Variants in PDS5B observed in about 807,000 individuals in gnomAD.
The protein encoded by PDS5B is sister chromatid cohesion protein PDS5 homolog B.
A neutral mutation model predicts 184.1 loss-of-function variants in PDS5B; 51 were observed. The ratio of observed to expected loss-of-function variants is 0.28; its 90% CI spans 0.22 to 0.35. The LOEUF (loss-of-function observed/expected upper bound fraction) is 0.35, where lower values mean the gene tolerates loss of function less well. Among genes scored for constraint, PDS5B ranks in the 10% least tolerant of loss-of-function variants. PDS5B has a pLI of 1.00. For missense variants in PDS5B, 1,180 were observed against 1,723.3 expected, an observed-to-expected ratio of 0.68 and a Z score of 5.58; for synonymous variants, 566 against 569.2, an observed-to-expected ratio of 0.99 and a Z score of 0.08.
Position 32,618,672 on chromosome 13 carries a change from T to A in PDS5B, c.-19-30082T>A, listed in dbSNP as rs1051603353. On this transcript the variant is annotated intron_variant, in intron 1 of 34. Transcript: ENST00000315596. ...TCTTGTGAAAAACAGATAGTCTTAATGTAGTAAGATCTTTTATGGTTTATA... is the reference window on the plus strand; with the variant it reads ...TCTTGTGAAAAACAGATAGTCTTAAAGTAGTAAGATCTTTTATGGTTTATA... 3.9e-5 allele frequency among the ~76,000 whole-genome samples: 6 copies of A among 152,218 alleles called. No homozygotes were observed. In the East Asian group the frequency reaches 1.2e-3, roughly 29 times the overall value.
chr13:32,764,051 T>C (rs779324437), intron 30 of PDS5B, among the ~76,000 whole-genome samples: 22 of 74,916 alleles, frequency 2.9e-4, no homozygotes, highest in Non-Finnish European at 4.6e-4. Context: ...AGATTCATGC[T>C]TATATTCTAA....
At chr13:32,679,911 G>GTGTGTC (rs1555301555) in intron 10 of PDS5B, among the ~76,000 whole-genome samples, 19 of 150,500 alleles carry the variant, frequency 1.3e-4, no homozygotes, top group African/African-American at 4.7e-4. Context: ...GTGTGTGTGT[G>GTGTGTC]TGTGTCTGTT....
At chr13:32,735,695 A>G (rs1049907292) in intron 21 of PDS5B, among the ~76,000 whole-genome samples, 1 of 152,150 alleles carries the variant, frequency 6.6e-6, no homozygotes, top group African/African-American at 2.4e-5. Context: ...ACCTTTTTCT[A>G]TATAAACTTG....
chr13:32,668,494 G>C (rs1277321188), intron 7 of PDS5B, among the ~76,000 whole-genome samples: 1 of 152,126 alleles, frequency 6.6e-6, no homozygotes, highest in East Asian at 1.9e-4. Context: ...TTTATGGTAA[G>C]TTTTATTTTC....
chr13:32,612,089 A>T (rs2140511703), intron 1 of PDS5B, among the ~76,000 whole-genome samples: 1 of 151,124 alleles, frequency 6.6e-6, no homozygotes, highest in Non-Finnish European at 1.5e-5. Flanking sequence ...CCCTCAGGAG[A>T]CTGTGCATCT....
chr13:32,589,877 T>TA (rs553866081), intron 1 of PDS5B, among the ~76,000 whole-genome samples: 78 of 150,864 alleles, frequency 5.2e-4, no homozygotes, highest in Non-Finnish European at 8.0e-4. Context: ...ACTGTTCTGT[T>TA]ACAACCACTT....
intron 19 of PDS5B, among the ~76,000 whole-genome samples, chr13:32,725,972 T>TA (rs1383023116): frequency 6.6e-6 from 1 of 152,188 alleles, no homozygotes; most frequent in Non-Finnish European, 1.5e-5. Flanking sequence ...CATGGATACA[T>TA]ACCCTTGTTC....
rs1272547949 is a variant in PDS5B, at chr13:32,675,837, A to G, written c.847-7A>G. The G allele has an allele frequency of 2.6e-6, 4 of 1,551,004 alleles. No homozygotes were observed. Among genetic ancestry groups the G allele is most frequent in the Middle Eastern group, 1.8e-4 (1 of 5,622 alleles). On this transcript the variant is annotated splice_polypyrimidine_tract_variant and splice_region_variant and intron_variant, in intron 8 of 34. Transcript: ENST00000315596. Reference sequence around the variant, plus strand: ...GGTTTTAAAGCTGTGATTGTGTTTTATTTTAGAGCAATGATAATGAGGAGC... The same window carrying G: ...GGTTTTAAAGCTGTGATTGTGTTTTGTTTTAGAGCAATGATAATGAGGAGC...
chr13:32,768,569 G>T (rs1372998435), intron 31 of PDS5B, among the ~76,000 whole-genome samples: 1 of 151,830 alleles, frequency 6.6e-6, no homozygotes, highest in Admixed American at 6.6e-5. Context: ...GAGGCAGGCG[G>T]ATCACCTGAG....
intron 11 of PDS5B, among the ~76,000 whole-genome samples, chr13:32,686,757 C>T (rs1951404426): frequency 6.6e-6 from 1 of 152,184 alleles, no homozygotes. Context: ...TTCACTCCAA[C>T]TTGGGCAACA....
intron 3 of PDS5B, chr13:32,652,534 T>G (rs553834186): frequency 6.6e-6 from 1 of 150,494 alleles, no homozygotes; most frequent in East Asian, 2.0e-4. Context: ...GTTCATGAGT[T>G]TGAGGACAGC....
At chr13:32,748,373 T>C (rs1953838539) in intron 24 of PDS5B, among the ~76,000 whole-genome samples, 1 of 152,190 alleles carries the variant, frequency 6.6e-6, no homozygotes, top group Admixed American at 6.5e-5. Flanking sequence ...TTGACACAAC[T>C]CATTGCTTCT....
chr13:32,733,572 C>T (rs506645), intron 20 of PDS5B, among the ~76,000 whole-genome samples: 114,791 of 152,004 alleles, frequency 0.76, 44,551 homozygotes, highest in African/African-American at 0.94. Context: ...TGAAGCCTCA[C>T]ATTGCCCTAA....
At chr13:32,629,128 A>G (rs983742020) in intron 1 of PDS5B, among the ~76,000 whole-genome samples, 3 of 152,252 alleles carry the variant, frequency 2.0e-5, no homozygotes, top group African/African-American at 7.2e-5. Context: ...TGGAATACCC[A>G]TCACTCAATT....
At chr13:32,729,459 C>A (rs1953025497) in intron 19 of PDS5B, among the ~76,000 whole-genome samples, 1 of 152,082 alleles carries the variant, frequency 6.6e-6, no homozygotes, top group South Asian at 2.1e-4. Flanking sequence ...TGGGTATATA[C>A]CTAGTAATGG....
intron 10 of PDS5B, 74 bp downstream of exon 10, chr13:32,679,003 A>G (rs1951154682): frequency 1.3e-6 from 1 of 743,254 alleles, no homozygotes; most frequent in Non-Finnish European, 2.3e-6. Context: ...TAGGGGGAAA[A>G]AAAACCCCTT....
At chr13:32,743,631 TCTTGTATGTTTTGCTTATACTGTATTCTC>T (rs1319812300) in intron 23 of PDS5B, among the ~76,000 whole-genome samples, 1 of 152,100 alleles carries the variant, frequency 6.6e-6, no homozygotes, top group Non-Finnish European at 1.5e-5. Flanking sequence ...TGCCTTTCCA[TCTTGTATGTTTTGCTTATACTGTATTCTC>T]CTTGTATGTT....
chr13:32,665,919 T>C (rs76065723), intron 6 of PDS5B, among the ~76,000 whole-genome samples: 185 of 152,154 alleles, frequency 1.2e-3, no homozygotes, highest in Non-Finnish European at 2.2e-3. Context: ...GGAAGACAAA[T>C]ATGTTTTCAC....
chr13:32,690,793 CAAAAG>C (rs1209498009), intron 13 of PDS5B: 1 of 151,974 alleles, frequency 6.6e-6, no homozygotes, highest in Non-Finnish European at 1.5e-5. Context: ...GACCAGTACT[CAAAAG>C]GAAAGGCTTT....
Sources: gnomAD v4.1 joint callset for allele counts (sites outside exome capture counted in the v4.1 genomes callset) on GRCh38, gnomAD v4.1.1 for gene constraint, MANE v1.5 for transcripts, NCBI Gene and HGNC (gene_info 2026-07-23, HGNC 2026-07-21) for gene names.